Variants in GRAMD1A observed in about 807,000 individuals in gnomAD.
The protein encoded by GRAMD1A is GRAM domain containing 1A.
Under a neutral mutation model 92.0 loss-of-function variants are expected in GRAMD1A, and 50 were observed. The ratio of observed to expected loss-of-function variants is 0.54; its 90% CI spans 0.43 to 0.69. GRAMD1A has a LOEUF of 0.69. GRAMD1A is among the 30% of genes least tolerant of loss of function. The pLI is 0.00. For synonymous variants in GRAMD1A, 405 were observed against 403.6 expected (o/e 1.00, Z -0.04); for missense variants, 819 against 978.9 (o/e 0.84, Z 2.18).
rs2014247296 is a variant in GRAMD1A at position 35,000,334 on chromosome 19, G to A, written c.-145G>A. On this transcript the variant is annotated 5_prime_UTR_variant, in exon 1 of 20. Coordinates refer to ENST00000317991, the MANE Select transcript of GRAMD1A (RefSeq NM_020895.5). The surrounding 1 kb of genome is among the most constrained non-coding windows in gnomAD (Gnocchi z 4.9). ...CCGGCGGCTCCGGCCTTTTGTGCGG[G>A]CGGTTGGGTCGGGTGGGGGCGGCGG... is the stretch of plus-strand genomic sequence containing the variant. 1 of 1,066,698 alleles carries A rather than the reference G, an allele frequency of 9.4e-7. No individual in the cohort carries two copies. The highest frequency in any genetic ancestry group is 1.7e-5 in the African/African-American group (1 of 59,018). 66.1% of individuals were successfully genotyped at this position (1,066,698 alleles called of 1,614,324 possible).
At chr19:35,007,434 TATGATCCC>T (rs1484025899) in intron 1 of GRAMD1A, among the ~76,000 whole-genome samples, 1 of 152,182 alleles carries the variant, frequency 6.6e-6, no homozygotes. Flanking sequence ...GGCGGGTGCC[TATGATCCC>T]AGCTACTGGG....
At position 35,010,088 on chromosome 19, in the gene GRAMD1A, T is replaced by C; in HGVS notation, c.326-4T>C. The C allele has an allele frequency of 1.2e-6, 2 of 1,601,128 alleles. No homozygotes were observed. Among genetic ancestry groups the C allele is most frequent in the South Asian group, 1.1e-5 (1 of 90,830 alleles). ...GTCCTCCTGTCTCTCCCCGCCCCTC[T>C]CAGATTACTCCTGCGCCCTGCAGCG... is the stretch of plus-strand genomic sequence containing the variant. On this transcript the variant is annotated splice_region_variant and splice_polypyrimidine_tract_variant and intron_variant, in intron 4 of 19. Transcript: ENST00000317991.
chr19:34,994,830 G>A (rs571828117), intron 1 of GRAMD1A: 2 of 152,414 alleles, frequency 1.3e-5, no homozygotes, highest in African/African-American at 4.8e-5. Flanking sequence ...AATAAGGTAG[G>A]GGTATTGGAG....
At chr19:34,995,067 C>T (rs997839033) in intron 1 of GRAMD1A, among the ~76,000 whole-genome samples, 1 of 152,222 alleles carries the variant, frequency 6.6e-6, no homozygotes, top group Non-Finnish European at 1.5e-5. Context: ...TGGCTTCCTC[C>T]CAGGCCCAGA....
chr19:35,003,386 C>T (rs905421389), intron 1 of GRAMD1A, among the ~76,000 whole-genome samples: 1 of 152,162 alleles, frequency 6.6e-6, no homozygotes, highest in African/African-American at 2.4e-5. Flanking sequence ...AACAACATCC[C>T]TTCCGAGTCT....
intron 13 of GRAMD1A, among the ~76,000 whole-genome samples, chr19:35,020,411 G>A (rs561739539): frequency 5.6e-4 from 85 of 152,064 alleles, no homozygotes; most frequent in Admixed American, 7.9e-4. Flanking sequence ...AGTGATGCAC[G>A]TCTGTAATCC....
At chr19:35,019,085 G>T in intron 11 of GRAMD1A, 106 bp from the exon 12 acceptor site, 1 of 738,342 alleles carries the variant, frequency 1.4e-6, no homozygotes, top group South Asian at 1.7e-5. Flanking sequence ...GAGTGGTGGG[G>T]ATTGGGACAG....
chr19:35,009,107 TC>T lies in GRAMD1A; in HGVS notation c.9-10del. The T allele has an allele frequency of 6.3e-7, 1 of 1,593,220 alleles. No homozygotes were observed. Among genetic ancestry groups the T allele is most frequent in the Non-Finnish European group, 8.6e-7 (1 of 1,161,244 alleles). On this transcript the variant is annotated splice_polypyrimidine_tract_variant and intron_variant, in intron 1 of 19. Transcript: ENST00000317991. ...TTCCAGTTAACACTTCTCTTCCTCT[TC>T]CTGCCCCCAGCACCACACCCCACTC...
At chr19:35,009,757 T>C in intron 3 of GRAMD1A, 131 bp from the exon 4 acceptor site, 1 of 704,388 alleles carries the variant, frequency 1.4e-6, no homozygotes, top group Non-Finnish European at 2.6e-6. Flanking sequence ...GCTGTCATTG[T>C]GGCTACTGGT....
chr19:35,000,450 G>GCT lies in GRAMD1A; in HGVS notation c.-28_-27insTC. 1 of 643,056 alleles carries GCT rather than the reference G, an allele frequency of 1.6e-6. No homozygotes were observed. Among genetic ancestry groups the GCT allele is most frequent in the Non-Finnish European group, 2.1e-6 (1 of 481,166 alleles). 39.8% of individuals were successfully genotyped at this position (643,056 alleles called of 1,614,324 possible). The stretch of plus-strand genomic sequence containing the variant: ...CCTGCCCTGCCCTGCCCTGCCCTGC[G>GCT]CCCGGGGCGCGCCCACCGCGCCGCA... On this transcript the variant is annotated 5_prime_UTR_variant, in exon 1 of 20. Transcript: ENST00000317991. This position sits in a 1 kb window ranked among gnomAD's most constrained non-coding sequence, Gnocchi z 4.9.
chr19:35,010,084 CCT>C lies in GRAMD1A; in HGVS notation c.326-4_326-3del. 6.3e-7 allele frequency: 1 copy of C among 1,591,514 alleles called. No individual in the cohort carries two copies. Among genetic ancestry groups the C allele is most frequent in the Non-Finnish European group, 8.6e-7 (1 of 1,159,358 alleles). On this transcript the variant is annotated splice_region_variant and splice_polypyrimidine_tract_variant and intron_variant, in intron 4 of 19. Transcript: ENST00000317991. ...GGGTGTCCTCCTGTCTCTCCCCGCC[CCT>C]CTCAGATTACTCCTGCGCCCTGCAG... is the stretch of plus-strand genomic sequence containing the variant.
chr19:35,022,430 G>T (rs1445901597), intron 16 of GRAMD1A, among the ~76,000 whole-genome samples: 1 of 152,188 alleles, frequency 6.6e-6, no homozygotes, highest in Non-Finnish European at 1.5e-5. Flanking sequence ...ACACCGCAGT[G>T]ACCTTGAGGA....
rs1406628294 is a variant in GRAMD1A at position 35,008,417 on chromosome 19, C to T, written c.9-702C>T. ...AGAATTACTTTACATGGGCTGGGCA[C>T]GGTGGTTCATGCCTGTAATCCCAGC... On this transcript the variant is annotated intron_variant, in intron 1 of 19. Transcript: ENST00000317991. 3.9e-5 allele frequency among the ~76,000 whole-genome samples: 6 copies of T among 152,024 alleles called. No individual in the cohort carries two copies. In the South Asian group the frequency reaches 8.3e-4, roughly 21 times the overall value.
chr19:34,997,837 C>A (rs139687451), upstream of GRAMD1A, among the ~76,000 whole-genome samples: 29 of 152,084 alleles, frequency 1.9e-4, no homozygotes, highest in Middle Eastern at 3.4e-3. Context: ...GAGGCCGAGG[C>A]GGGCAGATTA....
Position 35,013,506 on chromosome 19 carries a change from GAC to G in GRAMD1A, c.720-31_720-30del, listed in dbSNP as rs57653972. 938 of 1,585,144 alleles carry G rather than the reference GAC, an allele frequency of 5.9e-4. 8 individuals are homozygous for G. In the African/African-American group the frequency reaches 0.011, roughly 19 times the overall value. On this transcript the variant is annotated intron_variant, in intron 8 of 19. Transcript: ENST00000317991. The surrounding 1 kb of genome is among the most constrained non-coding windows in gnomAD (Gnocchi z 4.9). ...TCAGGAGGGTGTATGGGGTCTCAAG[GAC>G]ACAGCAGTCCCGCTTCCTCCCCTTT...
upstream of GRAMD1A, among the ~76,000 whole-genome samples, chr19:34,999,686 G>T (rs975235846): frequency 4.6e-5 from 7 of 152,230 alleles, no homozygotes; most frequent in Admixed American, 1.3e-4. Context: ...CCTTACCACC[G>T]AGTTAGTGGG....
rs755256352 is a variant in GRAMD1A at position 35,009,278 on chromosome 19, G to A, written c.168G>A (p.Gly56=). The change falls in exon 2 of 20, where the codon GGG becomes GGA. Residue 56 remains glycine, a synonymous_variant. Coordinates refer to ENST00000317991, the MANE Select transcript of GRAMD1A (RefSeq NM_020895.5). ...DSSSEKGGVP[G]TPSTQSLGSR... ...CCTCAGAGAAGGGTGGGGTGCCTGG[G>A]ACCCCCAGCACCCAGAGCCTAGGCA... The A allele has an allele frequency of 5.6e-6, 9 of 1,614,094 alleles. No individual in the cohort carries two copies. The highest frequency in any genetic ancestry group is 6.8e-6 in the Non-Finnish European group (8 of 1,179,974).
intron 19 of GRAMD1A, among the ~76,000 whole-genome samples, chr19:35,024,656 C>T (rs1171354573): frequency 2.0e-5 from 3 of 151,724 alleles, no homozygotes; most frequent in African/African-American, 7.3e-5. Context: ...CTTTAGGGGT[C>T]TCATTGCCCC....
At chr19:35,025,994 A>T in intron 19 of GRAMD1A, 55 bp from the exon 20 acceptor site, 1 of 888,750 alleles carries the variant, frequency 1.1e-6, no homozygotes, top group Non-Finnish European at 1.9e-6. Context: ...GGTGGGCGAC[A>T]TCACCCCCCA....
Sources: allele counts gnomAD v4.1 joint callset (sites outside exome capture counted in the v4.1 genomes callset), GRCh38; gene constraint gnomAD v4.1.1; non-coding constraint Gnocchi (gnomAD v3.1); transcripts MANE v1.5; gene names NCBI Gene and HGNC (gene_info 2026-07-23, HGNC 2026-07-21).